The following LHFPL6 variants were observed in gnomAD, a reference collection of about 807,000 sequenced individuals.
LHFPL6 encodes the protein LHFPL tetraspan subfamily member 6 protein.
A neutral mutation model predicts 20.6 loss-of-function variants in LHFPL6; 9 were observed. The observed-to-expected ratio is 0.44, with a 90% confidence interval of 0.26 to 0.76. The LOEUF (loss-of-function observed/expected upper bound fraction) is 0.76, where lower values mean the gene tolerates loss of function less well. LHFPL6 is among the 30% of genes least tolerant of loss of function. LHFPL6 has a pLI of 0.20. For synonymous variants in LHFPL6, 105 were observed against 98.7 expected, an observed-to-expected ratio of 1.06 and a Z score of -0.38; for missense variants, 218 against 253.5, an observed-to-expected ratio of 0.86 and a Z score of 0.95.
chr13:39,503,935 T>C (rs760363896), intron 2 of LHFPL6, among the ~76,000 whole-genome samples: 2 of 152,194 alleles, frequency 1.3e-5, no homozygotes, highest in Non-Finnish European at 2.9e-5. Context: ...CAATTAAACA[T>C]GCTGGCAGAC....
intron 2 of LHFPL6, among the ~76,000 whole-genome samples, chr13:39,435,435 A>G (rs1871932300): frequency 6.6e-6 from 1 of 152,230 alleles, no homozygotes; most frequent in South Asian, 2.1e-4. Context: ...CTCAATACTT[A>G]AAGACCTTTA....
intron 2 of LHFPL6, among the ~76,000 whole-genome samples, chr13:39,585,872 C>A (rs1240397747): frequency 1.3e-5 from 2 of 152,052 alleles, no homozygotes; most frequent in East Asian, 3.8e-4. Context: ...TATGAGACAT[C>A]CTTCTTGGGC....
chr13:39,508,881 T>A (rs1029248543), intron 2 of LHFPL6, among the ~76,000 whole-genome samples: 1 of 152,230 alleles, frequency 6.6e-6, no homozygotes, highest in Non-Finnish European at 1.5e-5. Flanking sequence ...GCTCGGGTAA[T>A]ACAGTATATA....
intron 2 of LHFPL6, among the ~76,000 whole-genome samples, chr13:39,572,226 T>C (rs913867400): frequency 5.3e-5 from 8 of 151,806 alleles, no homozygotes; most frequent in Admixed American, 1.3e-4. Flanking sequence ...GCATTTAAGA[T>C]AGAAAAATCT....
rs1870843908 is a variant in LHFPL6 at position 39,542,554 on chromosome 13, A to G, written c.385+58278T>C. Among the ~76,000 whole-genome samples the G allele has an allele frequency of 2.0e-5, 3 of 152,280 alleles. No individual in the cohort carries two copies. In the South Asian group the frequency reaches 6.2e-4, roughly 32 times the overall value. On this transcript the variant is annotated intron_variant, in intron 2 of 3. Coordinates refer to ENST00000379589, the MANE Select transcript of LHFPL6 (RefSeq NM_005780.3). The stretch of plus-strand genomic sequence containing the variant: ...CACCTGCCACCAGCCCAGACCATCT[A>G]AGAAGGCTCCAGCCCTGACTTTGTA...
At chr13:39,562,645 T>C (rs1871570591) in intron 2 of LHFPL6, among the ~76,000 whole-genome samples, 1 of 135,616 alleles carries the variant, frequency 7.4e-6, no homozygotes, top group African/African-American at 2.6e-5. Context: ...TATACACATA[T>C]ATACACACAT....
intron 2 of LHFPL6, among the ~76,000 whole-genome samples, chr13:39,425,102 T>C (rs530665351): frequency 6.6e-6 from 1 of 152,266 alleles, no homozygotes; most frequent in South Asian, 2.1e-4. Context: ...CAGGCAACTA[T>C]GGATTGCTTT....
At chr13:39,482,018 A>T (rs945958356) in intron 2 of LHFPL6, among the ~76,000 whole-genome samples, 2 of 152,176 alleles carry the variant, frequency 1.3e-5, no homozygotes, top group African/African-American at 2.4e-5. Context: ...GTTTTGTTGG[A>T]TGTAAAGTGC....
chr13:39,439,819 A>G (rs1490821937), intron 2 of LHFPL6, among the ~76,000 whole-genome samples: 1 of 152,076 alleles, frequency 6.6e-6, no homozygotes, highest in South Asian at 2.1e-4. Flanking sequence ...GCCTTCCACC[A>G]TGATTAAAAG....
intron 2 of LHFPL6, among the ~76,000 whole-genome samples, chr13:39,437,984 A>G (rs1872010854): frequency 6.6e-6 from 1 of 152,198 alleles, no homozygotes. Context: ...AAAATGTGGA[A>G]CTGGGAAACA....
At chr13:39,402,615 A>G (rs1871021025) in intron 2 of LHFPL6, among the ~76,000 whole-genome samples, 1 of 152,202 alleles carries the variant, frequency 6.6e-6, no homozygotes, top group Admixed American at 6.5e-5. Context: ...TATTGACAAC[A>G]CAAATACAGA....
chr13:39,437,864 T>G (rs1368532245), intron 2 of LHFPL6, among the ~76,000 whole-genome samples: 1 of 148,454 alleles, frequency 6.7e-6, no homozygotes, highest in East Asian at 2.0e-4. Flanking sequence ...ATTGCGCCAC[T>G]GCACTCCAGC....
chr13:39,585,196 C>T (rs2324347), intron 2 of LHFPL6, among the ~76,000 whole-genome samples: 132,145 of 152,234 alleles, frequency 0.87, 57,536 homozygotes, highest in South Asian at 0.92. Flanking sequence ...TGAGGGAATA[C>T]ACAGAAACAA....
intron 2 of LHFPL6, among the ~76,000 whole-genome samples, chr13:39,449,387 T>G (rs1465302730): frequency 1.3e-5 from 2 of 152,198 alleles, no homozygotes; most frequent in African/African-American, 2.4e-5. Context: ...TTTGTCCTGG[T>G]CAAGGGTGTG....
intron 3 of LHFPL6, among the ~76,000 whole-genome samples, chr13:39,350,122 G>T (rs895497538): frequency 2.6e-5 from 4 of 152,146 alleles, no homozygotes; most frequent in Admixed American, 6.5e-5. Context: ...CAGAGTCTTT[G>T]GTCTCATGAA....
At chr13:39,534,919 C>A (rs1329526938) in intron 2 of LHFPL6, among the ~76,000 whole-genome samples, 1 of 152,138 alleles carries the variant, frequency 6.6e-6, no homozygotes, top group Non-Finnish European at 1.5e-5. Context: ...TGTTTTAAAA[C>A]AACAAAAATT....
chr13:39,478,976 C>CAT (rs751017776), intron 2 of LHFPL6, among the ~76,000 whole-genome samples: 11 of 150,382 alleles, frequency 7.3e-5, no homozygotes, highest in Non-Finnish European at 1.6e-4. Flanking sequence ...ATAATATATA[C>CAT]ATATATATAA....
intron 2 of LHFPL6, among the ~76,000 whole-genome samples, chr13:39,452,081 T>G (rs1872462160): frequency 6.6e-6 from 1 of 150,790 alleles, no homozygotes; most frequent in South Asian, 2.1e-4. Flanking sequence ...ATGGACAATT[T>G]GTTATGTACA....
At chr13:39,512,472 G>C (rs538481116) in intron 2 of LHFPL6, among the ~76,000 whole-genome samples, 70 of 151,942 alleles carry the variant, frequency 4.6e-4, no homozygotes, top group African/African-American at 1.5e-3. Flanking sequence ...CATGGTGGCG[G>C]GCCCCTGTAG....
Sources: allele counts gnomAD v4.1 joint callset (sites outside exome capture counted in the v4.1 genomes callset), GRCh38; gene constraint gnomAD v4.1.1; transcripts MANE v1.5; gene names NCBI Gene and HGNC (gene_info 2026-07-23, HGNC 2026-07-21).